Variants in DGKI observed in about 807,000 individuals in gnomAD.
DGKI encodes DAG kinase iota.
Under a neutral mutation model 147.5 loss-of-function variants are expected in DGKI, and 55 were observed. The observed-to-expected ratio is 0.37, with a 90% CI of 0.30 to 0.47. The LOEUF (loss-of-function observed/expected upper bound fraction) is 0.47, where lower values mean the gene tolerates loss of function less well. Among genes scored for constraint, DGKI ranks in the 20% least tolerant of loss-of-function variants. The pLI is 1.00. For missense variants in DGKI, 1,007 were observed against 1,323.8 expected (o/e 0.76, Z 3.71); for synonymous variants, 469 against 477.1 (o/e 0.98, Z 0.22).
chr7:137,492,265 T>A (rs1046180467), intron 21 of DGKI, among the ~76,000 whole-genome samples: 1 of 151,550 alleles, frequency 6.6e-6, no homozygotes, highest in Non-Finnish European at 1.5e-5. Flanking sequence ...AAGCCAAAGA[T>A]CAAAATAAAC....
chr7:137,405,355 C>T (rs1041811678), intron 30 of DGKI, among the ~76,000 whole-genome samples: 1 of 152,176 alleles, frequency 6.6e-6, no homozygotes, highest in African/African-American at 2.4e-5. Context: ...AGCAATCCTT[C>T]TGCCTCAGCC....
intron 28 of DGKI, among the ~76,000 whole-genome samples, chr7:137,412,578 G>C (rs1399083142): frequency 6.6e-6 from 1 of 152,208 alleles, no homozygotes; most frequent in African/African-American, 2.4e-5. Flanking sequence ...TTGTAACTTA[G>C]TAGGGTTCAT....
At chr7:137,669,701 T>C (rs962748793) in intron 3 of DGKI, among the ~76,000 whole-genome samples, 2 of 152,182 alleles carry the variant, frequency 1.3e-5, no homozygotes, top group African/African-American at 4.8e-5. Flanking sequence ...CATTTTGGCT[T>C]AATGAAAGTT....
intron 20 of DGKI, among the ~76,000 whole-genome samples, chr7:137,542,089 C>T (rs1817721664): frequency 1.3e-5 from 2 of 152,128 alleles, no homozygotes; most frequent in Admixed American, 6.5e-5. Flanking sequence ...AAGACTTGGA[C>T]ATATGCTTCC....
chr7:137,614,263 T>C (rs925708853), intron 8 of DGKI, among the ~76,000 whole-genome samples: 1 of 152,118 alleles, frequency 6.6e-6, no homozygotes, highest in Non-Finnish European at 1.5e-5. Context: ...AGTGACAGTT[T>C]GGAAAATTTA....
At chr7:137,430,671 A>C (rs573089586) in intron 28 of DGKI, among the ~76,000 whole-genome samples, 1 of 152,310 alleles carries the variant, frequency 6.6e-6, no homozygotes, top group East Asian at 1.9e-4. Context: ...AGTGATGTAG[A>C]GAATGATTTC....
intron 1 of DGKI, among the ~76,000 whole-genome samples, chr7:137,707,084 G>A (rs3800629): frequency 0.065 from 9,928 of 152,072 alleles, 693 homozygotes; most frequent in East Asian, 0.31. Flanking sequence ...TTTGATTTCC[G>A]CTGGTCAATC....
chr7:137,825,308 G>A (rs968136349), intron 1 of DGKI, among the ~76,000 whole-genome samples: 2 of 152,242 alleles, frequency 1.3e-5, no homozygotes, highest in South Asian at 2.1e-4. Context: ...AGGCTCCAGA[G>A]CTGGTGTTAA....
chr7:137,556,226 G>T (rs1445883838), intron 19 of DGKI, among the ~76,000 whole-genome samples: 1 of 151,336 alleles, frequency 6.6e-6, no homozygotes, highest in African/African-American at 2.4e-5. Context: ...TTTTGTAACT[G>T]ATAAAGATCA....
At chr7:137,452,105 C>T (rs1223941853) in intron 27 of DGKI, among the ~76,000 whole-genome samples, 1 of 152,192 alleles carries the variant, frequency 6.6e-6, no homozygotes, top group Non-Finnish European at 1.5e-5. Flanking sequence ...TATTCCGTGT[C>T]CCCAACACAT....
At position 137,570,583 on chromosome 7, in the gene DGKI, CTA is replaced by C. The variant is rs369539165; in HGVS notation, c.1947+590_1947+591del. Among the ~76,000 whole-genome samples the C allele has an allele frequency of 4.0e-4, 59 of 148,844 alleles. 1 individual carries two copies. The East Asian group carries it at 9.2e-3, about 23-fold the overall frequency. On this transcript the variant is annotated intron_variant, in intron 19 of 32. Transcript: ENST00000614521. ...CTTCTGTGCCAATGCTGGGATGTTT[CTA>C]TAGTGTAATTTTTTTTTTTTTTTTT...
intron 12 of DGKI, among the ~76,000 whole-genome samples, chr7:137,594,710 G>A (rs1819728439): frequency 6.6e-6 from 1 of 152,106 alleles, no homozygotes; most frequent in Admixed American, 6.6e-5. Context: ...TCCTCAGGCT[G>A]TTTCCTCTAT....
intron 3 of DGKI, among the ~76,000 whole-genome samples, chr7:137,677,837 T>G (rs1348647281): frequency 6.6e-6 from 1 of 152,220 alleles, no homozygotes; most frequent in Non-Finnish European, 1.5e-5. Flanking sequence ...TACTGTCTGT[T>G]TGGACCAATC....
chr7:137,543,311 C>T (rs1254491871), intron 20 of DGKI, among the ~76,000 whole-genome samples: 1 of 152,078 alleles, frequency 6.6e-6, no homozygotes, highest in Non-Finnish European at 1.5e-5. Flanking sequence ...ATTCTATTTG[C>T]TTTGTTTTGT....
At chr7:137,602,288 C>T (rs1820017864) in intron 10 of DGKI, among the ~76,000 whole-genome samples, 1 of 152,140 alleles carries the variant, frequency 6.6e-6, no homozygotes, top group South Asian at 2.1e-4. Flanking sequence ...TAATAGGTAA[C>T]TAACATCTTC....
chr7:137,683,503 G>A (rs1487352312), intron 2 of DGKI, among the ~76,000 whole-genome samples: 1 of 152,112 alleles, frequency 6.6e-6, no homozygotes, highest in Non-Finnish European at 1.5e-5. Context: ...AGCCTCCTGA[G>A]TAGCTGCATT....
intron 1 of DGKI, among the ~76,000 whole-genome samples, chr7:137,759,063 A>G (rs898854040): frequency 1.3e-5 from 2 of 152,112 alleles, no homozygotes; most frequent in Non-Finnish European, 2.9e-5. Context: ...TCATTACCCA[A>G]ACAGTGAACA....
intron 20 of DGKI, among the ~76,000 whole-genome samples, chr7:137,522,634 A>G (rs570609398): frequency 1.3e-5 from 2 of 152,282 alleles, no homozygotes; most frequent in African/African-American, 4.8e-5. Context: ...AATTCAATGC[A>G]TACTGACTCC....
chr7:137,517,324 AAAG>A, intron 21 of DGKI, among the ~76,000 whole-genome samples: 2 of 131,186 alleles, frequency 1.5e-5, no homozygotes, highest in African/African-American at 6.4e-5. Context: ...AGAAAGAAAG[AAAG>A]AAAGAAAGAA....
Sources: gnomAD v4.1 joint callset for allele counts (sites outside exome capture counted in the v4.1 genomes callset) on GRCh38, gnomAD v4.1.1 for gene constraint, MANE v1.5 for transcripts, NCBI Gene and HGNC (gene_info 2026-07-23, HGNC 2026-07-21) for gene names.